THAP12: variants seen among roughly 807,000 people sequenced by gnomAD.
THAP12 encodes 52 kDa repressor of the inhibitor of the protein kinase.
A neutral mutation model predicts 63.0 loss-of-function variants in THAP12; 20 were observed. That is an observed-to-expected ratio of 0.32 (90% CI 0.22 to 0.46). THAP12 has a LOEUF of 0.46. Among genes scored for constraint, THAP12 ranks in the 20% least tolerant of loss-of-function variants. THAP12 has a pLI of 1.00. For synonymous variants in THAP12, 264 were observed against 328.4 expected, an observed-to-expected ratio of 0.80 and a Z score of 2.12; for missense variants, 568 against 908.2, an observed-to-expected ratio of 0.63 and a Z score of 4.81.
At position 76,351,803 on chromosome 11, in the gene THAP12, A is replaced by G. The variant is rs1245416149; in HGVS notation, c.1347T>C (p.Asp449=). 5 of 1,609,534 alleles carry G rather than the reference A, an allele frequency of 3.1e-6. No individual in the cohort carries two copies. In the African/African-American group the frequency reaches 6.7e-5, roughly 22 times the overall value. The change falls in exon 5 of 5, where the codon GAT becomes GAC. Residue 449 remains aspartate, a synonymous_variant. Transcript: ENST00000260045. The part of the protein sequence containing the change: ...ELLQALVLCL[D]GINSDTNIRW... ...TAATATTTGTGTCACTATTTATACC[A>G]TCTAAACATAAAACAAGTGCTTGCA... is the stretch of plus-strand genomic sequence containing the variant.
chr11:76,368,253 A>C (rs1298720430), intron 1 of THAP12, among the ~76,000 whole-genome samples: 3 of 152,230 alleles, frequency 2.0e-5, no homozygotes, highest in African/African-American at 7.2e-5. Context: ...TATATGAACT[A>C]CTTAAGAATA....
chr11:76,366,696 A>C (rs1227267857), intron 1 of THAP12, among the ~76,000 whole-genome samples: 1 of 152,066 alleles, frequency 6.6e-6, no homozygotes, highest in African/African-American at 2.4e-5. Flanking sequence ...AAAAAAAAAA[A>C]ATCAGCAACT....
chr11:76,376,064 T>TG (rs1946707781), intron 1 of THAP12, among the ~76,000 whole-genome samples: 1 of 152,116 alleles, frequency 6.6e-6, no homozygotes, highest in Admixed American at 6.5e-5. Flanking sequence ...GGCAGGGGAA[T>TG]GGGAGGTTAT....
intron 1 of THAP12, among the ~76,000 whole-genome samples, chr11:76,376,745 A>T (rs1946714103): frequency 6.7e-6 from 1 of 149,178 alleles, no homozygotes; most frequent in South Asian, 2.1e-4. Flanking sequence ...AGATTTCACT[A>T]GATCTAAACA....
rs146004350 is a variant in THAP12 at position 76,351,139 on chromosome 11, T to C, written c.2011A>G (p.Ile671Val). ...GCATACACATTAGGAAAAAACTTGATGTCAGGCAGGTGGAGGGCTTCATAG... is the reference window on the plus strand; with the variant it reads ...GCATACACATTAGGAAAAAACTTGACGTCAGGCAGGTGGAGGGCTTCATAG... ...TIYEALHLPDIKFFPNVYALL... is the reference protein window; with the variant it reads ...TIYEALHLPDVKFFPNVYALL... The change falls in exon 5 of 5, where the codon ATC (isoleucine) becomes GTC (valine). Residue 671 changes from isoleucine to valine, a missense_variant. Ile to Val is a conservative substitution (Grantham distance 29). Coordinates refer to ENST00000260045, the MANE Select transcript of THAP12 (RefSeq NM_004705.4). The C allele has an allele frequency of 1.9e-6, 3 of 1,607,288 alleles. No individual in the cohort carries two copies. The highest frequency in any genetic ancestry group is 2.7e-5 in the African/African-American group (2 of 74,818).
At chr11:76,361,152 T>C in intron 2 of THAP12, 89 bp from the exon 3 acceptor site, 1 of 779,236 alleles carries the variant, frequency 1.3e-6, no homozygotes, top group South Asian at 1.7e-5. Flanking sequence ...CTCCACAATA[T>C]TCCTTCAACT....
chr11:76,375,706 T>C (rs2134517280), intron 1 of THAP12, among the ~76,000 whole-genome samples: 1 of 132,440 alleles, frequency 7.6e-6, no homozygotes, highest in South Asian at 2.6e-4. Context: ...CAATGTCACC[T>C]TTTATCAACC....
intron 1 of THAP12, among the ~76,000 whole-genome samples, chr11:76,366,222 G>A (rs1356281900): frequency 6.6e-6 from 1 of 152,112 alleles, no homozygotes; most frequent in Non-Finnish European, 1.5e-5. Context: ...ATCATCAGCA[G>A]AACTAGAACT....
intron 3 of THAP12, chr11:76,357,613 C>T (rs1219252694): frequency 6.6e-6 from 1 of 152,064 alleles, no homozygotes; most frequent in Admixed American, 6.5e-5. Flanking sequence ...ACTTGAATAG[C>T]AATAATGGAT....
chr11:76,371,511 T>C (rs766389641), intron 1 of THAP12, among the ~76,000 whole-genome samples: 1 of 152,238 alleles, frequency 6.6e-6, no homozygotes, highest in Non-Finnish European at 1.5e-5. Flanking sequence ...CCTCTCCATG[T>C]ATAATATCTC....
chr11:76,378,291 C>T (rs745354451), intron 1 of THAP12, among the ~76,000 whole-genome samples: 17 of 152,104 alleles, frequency 1.1e-4, no homozygotes, highest in African/African-American at 2.7e-4. Flanking sequence ...GGCATGGTGG[C>T]GGATGCCTGC....
intron 1 of THAP12, among the ~76,000 whole-genome samples, chr11:76,375,895 C>G (rs970591435): frequency 6.6e-6 from 1 of 151,958 alleles, no homozygotes; most frequent in East Asian, 1.9e-4. Context: ...TCATGTAGTA[C>G]GAGGAGGTTT....
chr11:76,359,831 G>GGA lies in THAP12; in HGVS notation c.318+1124_318+1125insTC, dbSNP rs780288899. 9.9e-4 allele frequency among the ~76,000 whole-genome samples: 146 copies of GGA among 146,780 alleles called. 1 individual carries two copies. The highest frequency in any genetic ancestry group is 3.5e-3 in the African/African-American group (140 of 39,842). On this transcript the variant is annotated intron_variant, in intron 3 of 4. Transcript: ENST00000260045. ...GAGAGTGAGACTCTGTCTCGGGGGGGAAAAAAAAAATCCATAGGGAAGAAT... is the reference window on the plus strand; with the variant it reads ...GAGAGTGAGACTCTGTCTCGGGGGGGGAAAAAAAAAAATCCATAGGGAAGAAT...
chr11:76,351,262 T>C lies in THAP12; in HGVS notation c.1888A>G (p.Ser630Gly). 6.4e-7 allele frequency: 1 copy of C among 1,565,670 alleles called. No individual in the cohort carries two copies. Among genetic ancestry groups the C allele is most frequent in the Admixed American group, 1.8e-5 (1 of 55,792 alleles). ...AGCGTGTCAGGATTGGGTAAGTCACTTCTATACATGTCAGCATGGTGTTCC... is the reference window on the plus strand; with the variant it reads ...AGCGTGTCAGGATTGGGTAAGTCACCTCTATACATGTCAGCATGGTGTTCC... ...SEEHHADMYR[S>G]DLPNPDTLSA... The change falls in exon 5 of 5, where the codon AGT (serine) becomes GGT (glycine). Residue 630 changes from serine to glycine, a missense_variant. By Grantham distance (56) the Ser-to-Gly change is moderately conservative. Coordinates refer to ENST00000260045, the MANE Select transcript of THAP12 (RefSeq NM_004705.4).
intron 2 of THAP12, chr11:76,364,338 C>T: frequency 2.7e-6 from 1 of 372,488 alleles, no homozygotes; most frequent in Non-Finnish European, 5.3e-6. Flanking sequence ...ATTGGCTCAC[C>T]TCCCAATGAC....
In THAP12 at chr11:76,352,148, A is replaced by T. The variant is rs1414939108; in HGVS notation, c.1002T>A (p.Ser334Arg). ...CAACTTTCATTTTGGAAGAAAATCC[A>T]CTAGAGACAATGTAAGCCTGGCCAC... ...YCRGQAYIVS[S>R]GFSSKMKVVA... Residue 334 changes from serine to arginine, a missense_variant, in exon 5 of 5, where the codon AGT (serine) becomes AGA (arginine). Ser to Arg is a moderately radical substitution (Grantham distance 110). Transcript: ENST00000260045. 6.2e-7 allele frequency: 1 copy of T among 1,611,906 alleles called. No homozygotes were observed. Among genetic ancestry groups the T allele is most frequent in the Non-Finnish European group, 8.5e-7 (1 of 1,179,746 alleles).
intron 2 of THAP12, among the ~76,000 whole-genome samples, chr11:76,363,167 A>T (rs929571800): frequency 6.6e-6 from 1 of 152,052 alleles, no homozygotes; most frequent in Admixed American, 6.5e-5. Flanking sequence ...ATAATAAAAA[A>T]TATAAATATC....
Position 76,351,480 on chromosome 11 carries a change from C to T in THAP12, c.1670G>A (p.Arg557His), listed in dbSNP as rs1365820769. 6.4e-6 allele frequency: 10 copies of T among 1,574,028 alleles called. No homozygotes were observed. Among genetic ancestry groups the T allele is most frequent in the South Asian group, 2.3e-5 (2 of 86,168 alleles). ...DIQMKLPGKF[R>H]RAHQGNLESQ... ...TTCCAAGTTACCCTGGTGAGCTCTG[C>T]GGAATTTCCCAGGGAGTTTCATTTG... is the stretch of plus-strand genomic sequence containing the variant. Residue 557 changes from arginine (R) to histidine (H), a missense_variant, in exon 5 of 5, where the codon CGC becomes CAC. By Grantham distance (29) the Arg-to-His change is conservative. Transcript: ENST00000260045.
intron 2 of THAP12, 99 bp from the exon 3 acceptor site, chr11:76,361,162 T>C: frequency 1.4e-6 from 1 of 738,244 alleles, no homozygotes; most frequent in Non-Finnish European, 2.2e-6. Context: ...TTCCTTCAAC[T>C]CCAGCTCTAA....
Sources: allele counts gnomAD v4.1 joint callset (sites outside exome capture counted in the v4.1 genomes callset), GRCh38; gene constraint gnomAD v4.1.1; transcripts MANE v1.5; gene names NCBI Gene and HGNC (gene_info 2026-07-23, HGNC 2026-07-21).